Variants in ITLN1 observed in about 807,000 individuals in gnomAD.
The protein encoded by ITLN1 is intelectin-1.
A neutral mutation model predicts 36.2 loss-of-function variants in ITLN1; 29 were observed. The ratio of observed to expected loss-of-function variants is 0.80; its 90% CI spans 0.60 to 1.09. The LOEUF is 1.09. Among genes scored for constraint, ITLN1 ranks in the 50% least tolerant of loss-of-function variants. ITLN1 has a pLI of 0.00. For synonymous variants in ITLN1, 143 were observed against 146.5 expected (o/e 0.98, Z 0.17); for missense variants, 358 against 405.2 (o/e 0.88, Z 1.00).
chr1:160,878,387 T>TTA (rs1670625620), intron 7 of ITLN1, among the ~76,000 whole-genome samples: 1 of 142,624 alleles, frequency 7.0e-6, no homozygotes, highest in East Asian at 2.0e-4. Context: ...TTTTCTTTCT[T>TTA]TTTTTTTTTT....
chr1:160,881,804 GAAAA>G (rs56380748), intron 4 of ITLN1, among the ~76,000 whole-genome samples, 149 bp downstream of exon 4: 18 of 125,300 alleles, frequency 1.4e-4, no homozygotes, highest in African/African-American at 5.8e-4. Context: ...TCCGTCTCAA[GAAAA>G]AAAAAAAAAA....
intron 6 of ITLN1, among the ~76,000 whole-genome samples, 200 bp downstream of exon 6, chr1:160,880,388 C>T (rs1670656043): frequency 6.6e-6 from 1 of 151,994 alleles, no homozygotes. Flanking sequence ...TCACAAGTTT[C>T]TAAACCTCTC....
At chr1:160,881,866 C>T in intron 4 of ITLN1, 91 bp downstream of exon 4, 2 of 1,584,642 alleles carry the variant, frequency 1.3e-6, no homozygotes, top group East Asian at 2.2e-5. Context: ...CCATCCCACA[C>T]CCCTACCTTC....
intron 7 of ITLN1, 109 bp from the exon 8 acceptor site, chr1:160,876,925 T>G: frequency 1.8e-6 from 2 of 1,087,664 alleles, no homozygotes; most frequent in Non-Finnish European, 2.7e-6. Flanking sequence ...AGACTCTCCA[T>G]TGACAGTGTT....
intron 3 of ITLN1, among the ~76,000 whole-genome samples, chr1:160,883,042 T>C (rs1670706008): frequency 6.6e-6 from 1 of 152,124 alleles, no homozygotes; most frequent in Non-Finnish European, 1.5e-5. Flanking sequence ...TTGATTTTTG[T>C]ATTTTAGTAG....
chr1:160,879,569 A>G lies in ITLN1; in HGVS notation c.686-155T>C, dbSNP rs115615829. Among the ~76,000 whole-genome samples, 1,240 of 152,314 alleles carry G rather than the reference A, an allele frequency of 8.1e-3. 26 individuals carry two copies. Among genetic ancestry groups the G allele is most frequent in the African/African-American group, 0.027 (1,139 of 41,560 alleles). ...AGCACCCCTGTGGCCAATGGCTGCTACATCCTGGCCTCAAACTTAGCTAAG... is the reference window on the plus strand; with the variant it reads ...AGCACCCCTGTGGCCAATGGCTGCTGCATCCTGGCCTCAAACTTAGCTAAG... On this transcript the variant is annotated intron_variant, in intron 6 of 7. Transcript: ENST00000326245.
chr1:160,876,799 T>C lies in ITLN1; in HGVS notation c.807A>G (p.Gly269=). The change falls in exon 8 of 8, where the codon GGA becomes GGG. Residue 269 remains glycine, a synonymous_variant. Coordinates refer to ENST00000326245, the MANE Select transcript of ITLN1 (RefSeq NM_017625.3). ...CNTEHHCIGG[G]GYFPEASPQQ... ...GGGGACTGGCCTCTGGAAAGTATCCTCCTCCACCAATGCAGTGCTGGGAAA... is the reference window on the plus strand; with the variant it reads ...GGGGACTGGCCTCTGGAAAGTATCCCCCTCCACCAATGCAGTGCTGGGAAA... 6.2e-7 allele frequency: 1 copy of C among 1,614,152 alleles called. No individual in the cohort carries two copies. The highest frequency in any genetic ancestry group is 8.5e-7 in the Non-Finnish European group (1 of 1,180,014).
At position 160,885,158 on chromosome 1, in the gene ITLN1, C is replaced by T; in HGVS notation, c.-104G>A. 3.0e-6 allele frequency: 1 copy of T among 337,660 alleles called. No homozygotes were observed. 20.9% of individuals were successfully genotyped at this position (337,660 alleles called of 1,614,324 possible). ...GAGCTCAACAGAGTGCAGCTTTCTC[C>T]AAAAACGCTCCTGATGTGGAATGAG... On this transcript the variant is annotated 5_prime_UTR_variant, in exon 1 of 8. Coordinates refer to ENST00000326245, the MANE Select transcript of ITLN1 (RefSeq NM_017625.3).
chr1:160,876,985 C>T (rs1670598215), intron 7 of ITLN1, among the ~76,000 whole-genome samples, 169 bp from the exon 8 acceptor site: 2 of 152,222 alleles, frequency 1.3e-5, no homozygotes, highest in Admixed American at 1.3e-4. Flanking sequence ...CACCTGTAAT[C>T]CCAGCAGTCT....
chr1:160,881,825 A>AAAT, intron 4 of ITLN1, 132 bp downstream of exon 4: 1 of 1,066,038 alleles, frequency 9.4e-7, no homozygotes, highest in Non-Finnish European at 1.4e-6. Flanking sequence ...AAAAAAAAAA[A>AAAT]GATATAAGTA....
rs1052846040 is a variant in ITLN1, at chr1:160,882,006, T to G, written c.356A>C (p.Asn119Thr). 6.2e-7 allele frequency: 1 copy of G among 1,614,080 alleles called. No homozygotes were observed. The highest frequency in any genetic ancestry group is 8.5e-7 in the Non-Finnish European group (1 of 1,180,000). ...VYPEGDGNWA[N>T]YNTFGSAEAA... is the part of the protein sequence containing the mutation. Reference sequence around the variant, plus strand: ...CTCTGCAGATCCAAAGGTGTTGTAGTTGGCCCAGTTGCCGTCCCCCTCTGG... The same window carrying G: ...CTCTGCAGATCCAAAGGTGTTGTAGGTGGCCCAGTTGCCGTCCCCCTCTGG... The change falls in exon 4 of 8, where the codon AAC (asparagine) becomes ACC (threonine). Residue 119 changes from asparagine (N) to threonine (T), a missense_variant. Physicochemically the swap from Asn to Thr is moderately conservative, Grantham distance 65 (BLOSUM62 0). Coordinates refer to ENST00000326245, the MANE Select transcript of ITLN1 (RefSeq NM_017625.3).
At chr1:160,884,957 T>G in intron 1 of ITLN1, 74 bp from the exon 2 acceptor site, 1 of 953,148 alleles carries the variant, frequency 1.0e-6, no homozygotes, top group Non-Finnish European at 1.7e-6. Flanking sequence ...CCCTGTCCAG[T>G]CTTACAAAGA....
Position 160,882,161 on chromosome 1 carries a change from C to T in ITLN1, c.201G>A (p.Gln67=), listed in dbSNP as rs755166405. The T allele has an allele frequency of 6.2e-7, 1 of 1,607,532 alleles. No homozygotes were observed. The highest frequency in any genetic ancestry group is 2.2e-5 in the East Asian group (1 of 44,830). Residue 67 remains glutamine, a synonymous_variant, in exon 4 of 8, where the codon CAG becomes CAA. Transcript: ENST00000326245. Reference sequence around the variant, plus strand: ...CCCCAGAGGTCATGTCACAGAAGGTCTGGTAGATAACACCATTCTCAGTGC... The same window carrying T: ...CCCCAGAGGTCATGTCACAGAAGGTTTGGTAGATAACACCATTCTCAGTGC... ...FLRTENGVIY[Q]TFCDMTSGGG...
Position 160,879,148 on chromosome 1 carries a change from G to A in ITLN1, c.789+163C>T, listed in dbSNP as rs537842459. ...TGTATACCTGGACAAAAGTTCCCATGGCCCTGGCCCCTGAAGCTCAGCAAT... is the reference window on the plus strand; with the variant it reads ...TGTATACCTGGACAAAAGTTCCCATAGCCCTGGCCCCTGAAGCTCAGCAAT... On this transcript the variant is annotated intron_variant, in intron 7 of 7. Transcript: ENST00000326245. Among the ~76,000 whole-genome samples, 6 of 152,110 alleles carry A rather than the reference G, an allele frequency of 3.9e-5. No individual in the cohort carries two copies. In the South Asian group the frequency reaches 1.2e-3, roughly 32 times the overall value.
intron 7 of ITLN1, among the ~76,000 whole-genome samples, chr1:160,879,032 C>A (rs1571140819): frequency 6.6e-6 from 1 of 152,104 alleles, no homozygotes; most frequent in Admixed American, 6.6e-5. Flanking sequence ...CAGCTCCAAG[C>A]GATTGAGTGT....
At chr1:160,884,735 A>C in intron 2 of ITLN1, 85 bp downstream of exon 2, 1 of 922,838 alleles carries the variant, frequency 1.1e-6, no homozygotes, top group Non-Finnish European at 1.7e-6. Flanking sequence ...GTGCATCTCA[A>C]GGACATGCTC....
intron 3 of ITLN1, 26 bp downstream of exon 3, chr1:160,883,402 C>G (rs1336304326): frequency 6.6e-7 from 1 of 1,507,290 alleles, no homozygotes; most frequent in Middle Eastern, 1.7e-4. Flanking sequence ...CCTGACTGAG[C>G]TCTGTTTGAA....
Position 160,881,143 on chromosome 1 carries a change from G to A in ITLN1, c.564+11C>T, listed in dbSNP as rs761993528. On this transcript the variant is annotated intron_variant, in intron 5 of 7. Transcript: ENST00000326245. ...CCATGAAAACCAGTCCCAGCCAGCA[G>A]CCTTCTGTACCTGGTAGATGCCAAA... 3 of 1,591,816 alleles carry A rather than the reference G, an allele frequency of 1.9e-6. No homozygotes were observed. The highest frequency in any genetic ancestry group is 2.3e-5 in the South Asian group (2 of 87,672).
intron 5 of ITLN1, 147 bp downstream of exon 5, chr1:160,881,007 C>A (rs1670667261): frequency 1.0e-6 from 1 of 987,732 alleles, no homozygotes; most frequent in Non-Finnish European, 1.5e-6. Context: ...GCTTAGAATT[C>A]CTAAGAGAAG....
Sources: allele counts gnomAD v4.1 joint callset (sites outside exome capture counted in the v4.1 genomes callset), GRCh38; gene constraint gnomAD v4.1.1; transcripts MANE v1.5; gene names NCBI Gene and HGNC (gene_info 2026-07-23, HGNC 2026-07-21).